The following MALRD1 variants were observed in gnomAD, a reference collection of about 807,000 sequenced individuals.
The protein encoded by MALRD1 is MAM and LDL receptor class A domain containing 1.
MALRD1 carries 247 observed loss-of-function variants against 242.1 expected under a neutral mutation model. The observed-to-expected ratio is 1.02, with a 90% CI of 0.92 to 1.13. MALRD1 has a LOEUF of 1.13. Ranked by LOEUF, MALRD1 falls within the 50% of genes most tolerant of loss-of-function variation. The pLI is 0.00. For missense variants in MALRD1, 2,989 were observed against 2,533.1 expected (o/e 1.18, Z -3.86); for synonymous variants, 995 against 866.6 (o/e 1.15, Z -2.60).
intron 21 of MALRD1, among the ~76,000 whole-genome samples, chr10:19,293,002 A>G (rs145130574): frequency 1.5e-3 from 222 of 152,126 alleles, no homozygotes; most frequent in Non-Finnish European, 2.8e-3. Context: ...TTCAGTGAAG[A>G]GAAAATATTA....
chr10:19,235,418 C>A (rs748315742), intron 18 of MALRD1, among the ~76,000 whole-genome samples: 1 of 151,050 alleles, frequency 6.6e-6, no homozygotes, highest in Non-Finnish European at 1.5e-5. Context: ...TGTATGTGTT[C>A]TCTTGAGAAG....
At chr10:19,588,083 G>A (rs1486469403) in intron 33 of MALRD1, among the ~76,000 whole-genome samples, 6 of 151,840 alleles carry the variant, frequency 4.0e-5, no homozygotes, top group Admixed American at 3.9e-4. Flanking sequence ...AGACCTGTAG[G>A]ATGCATATGA....
intron 10 of MALRD1, among the ~76,000 whole-genome samples, chr10:19,138,275 T>C (rs1293873847): frequency 6.6e-6 from 1 of 152,208 alleles, no homozygotes; most frequent in African/African-American, 2.4e-5. Context: ...CTCCAATGTA[T>C]GTGAAGTTTC....
At chr10:19,470,187 T>C (rs1836426987) in intron 29 of MALRD1, among the ~76,000 whole-genome samples, 1 of 152,024 alleles carries the variant, frequency 6.6e-6, no homozygotes, top group Non-Finnish European at 1.5e-5. Flanking sequence ...ATAACTAAAG[T>C]CATGTCATAT....
At chr10:19,693,325 C>T (rs1007129459) in intron 38 of MALRD1, among the ~76,000 whole-genome samples, 3 of 151,836 alleles carry the variant, frequency 2.0e-5, no homozygotes, top group Non-Finnish European at 4.4e-5. Flanking sequence ...TCTAGAAAAC[C>T]CCATCGTCTC....
At chr10:19,539,852 T>TTGTGTGTGTGTGTGTGTG (rs1589217850) in intron 32 of MALRD1, among the ~76,000 whole-genome samples, 1 of 64,330 alleles carries the variant, frequency 1.6e-5, no homozygotes, top group Non-Finnish European at 3.2e-5. Flanking sequence ...ACACCCAGCT[T>TTGTGTGTGTGTGTGTGTG]TGTGCGTGTG....
chr10:19,522,789 A>G (rs1202969229), intron 31 of MALRD1, among the ~76,000 whole-genome samples: 2 of 152,154 alleles, frequency 1.3e-5, no homozygotes, highest in African/African-American at 2.4e-5. Context: ...AAGAATCAGT[A>G]TTTGGCTTTT....
At chr10:19,403,054 G>C (rs1489409100) in intron 28 of MALRD1, among the ~76,000 whole-genome samples, 1 of 151,920 alleles carries the variant, frequency 6.6e-6, no homozygotes, top group East Asian at 1.9e-4. Flanking sequence ...CTATAAACAA[G>C]GAGAAAAATA....
intron 28 of MALRD1, among the ~76,000 whole-genome samples, chr10:19,434,019 G>C (rs1834251490): frequency 6.6e-6 from 1 of 152,108 alleles, no homozygotes; most frequent in Admixed American, 6.6e-5. Flanking sequence ...GGAAAACAGA[G>C]AAAGACTGGT....
chr10:19,606,941 G>T (rs903937139), intron 34 of MALRD1, among the ~76,000 whole-genome samples: 9 of 152,074 alleles, frequency 5.9e-5, no homozygotes, highest in South Asian at 2.1e-4. Flanking sequence ...AATTATTTTA[G>T]GAAAACTGAG....
At chr10:19,326,662 CATT>C (rs1206076455) in intron 22 of MALRD1, among the ~76,000 whole-genome samples, 1 of 151,664 alleles carries the variant, frequency 6.6e-6, no homozygotes, top group East Asian at 1.9e-4. Context: ...GCTAGTAACA[CATT>C]ATTTTTTCTA....
At chr10:19,282,938 G>GT in intron 20 of MALRD1, 81 bp from the exon 21 acceptor site, 1 of 981,562 alleles carries the variant, frequency 1.0e-6, no homozygotes. Context: ...AAAAACAAGA[G>GT]TAAGAAAGTG....
At chr10:19,277,214 C>G (rs1840573719) in intron 19 of MALRD1, among the ~76,000 whole-genome samples, 1 of 152,162 alleles carries the variant, frequency 6.6e-6, no homozygotes, top group African/African-American at 2.4e-5. Flanking sequence ...GTGTGAGCCA[C>G]CACACCTGGT....
chr10:19,504,834 C>T (rs1379104079), intron 31 of MALRD1, among the ~76,000 whole-genome samples: 1 of 151,020 alleles, frequency 6.6e-6, no homozygotes. Flanking sequence ...AGGCGCCCGC[C>T]ACCGCGCCCG....
chr10:19,408,375 G>A (rs538778002), intron 28 of MALRD1, among the ~76,000 whole-genome samples: 1 of 152,208 alleles, frequency 6.6e-6, no homozygotes, highest in South Asian at 2.1e-4. Flanking sequence ...GGAGAGACAA[G>A]TATCAAACTT....
intron 21 of MALRD1, among the ~76,000 whole-genome samples, chr10:19,296,982 A>G (rs147396910): frequency 5.9e-4 from 90 of 151,750 alleles, no homozygotes; most frequent in Non-Finnish European, 1.1e-3. Context: ...AATTTTTCAT[A>G]TGTTGTTAGT....
At chr10:19,078,789 A>T (rs999375020) in intron 2 of MALRD1, among the ~76,000 whole-genome samples, 2 of 151,684 alleles carry the variant, frequency 1.3e-5, no homozygotes, top group Non-Finnish European at 2.9e-5. Flanking sequence ...TAGGTTATCT[A>T]ATTTGGTAGT....
At chr10:19,379,134 A>G (rs1268446676) in intron 26 of MALRD1, among the ~76,000 whole-genome samples, 8 of 152,072 alleles carry the variant, frequency 5.3e-5, no homozygotes, top group African/African-American at 9.7e-5. Flanking sequence ...TGTATACAAC[A>G]TGTAGTGATA....
At chr10:19,306,515 T>C (rs576252921) in intron 21 of MALRD1, among the ~76,000 whole-genome samples, 1 of 146,586 alleles carries the variant, frequency 6.8e-6, no homozygotes, top group East Asian at 2.0e-4. Flanking sequence ...GTGTATAGTA[T>C]ATATAGTGTC....
Sources: allele counts gnomAD v4.1 joint callset (sites outside exome capture counted in the v4.1 genomes callset), GRCh38; gene constraint gnomAD v4.1.1; transcripts MANE v1.5; gene names NCBI Gene and HGNC (gene_info 2026-07-23, HGNC 2026-07-21).